Variants in TMTC2 observed in about 807,000 individuals in gnomAD.
TMTC2 encodes the protein protein O-mannosyl-transferase TMTC2.
In TMTC2, 43 loss-of-function variants were observed where a neutral mutation model predicts 82.4. The ratio of observed to expected loss-of-function variants is 0.52; its 90% CI spans 0.41 to 0.67. The LOEUF (loss-of-function observed/expected upper bound fraction) is 0.67, where lower values mean the gene tolerates loss of function less well. Ranked by LOEUF, TMTC2 falls within the 30% of genes least tolerant of loss-of-function variation. TMTC2 has a pLI of 0.00. For synonymous variants in TMTC2, 408 were observed against 381.9 expected (o/e 1.07, Z -0.80); for missense variants, 919 against 1,012.4 (o/e 0.91, Z 1.25).
At chr12:83,122,767 C>T (rs143665674) in intron 11 of TMTC2, among the ~76,000 whole-genome samples, 1 of 152,070 alleles carries the variant, frequency 6.6e-6, no homozygotes, top group Non-Finnish European at 1.5e-5. Context: ...TGTTCTGGAG[C>T]AAAAATTCAG....
intron 10 of TMTC2, among the ~76,000 whole-genome samples, chr12:83,058,063 A>G (rs1882610114): frequency 5.9e-5 from 9 of 151,800 alleles, no homozygotes; most frequent in Admixed American, 5.3e-4. Context: ...TTCTCTTTAC[A>G]TCTTTCTTTA....
At chr12:82,733,044 A>G (rs1301036015) in intron 1 of TMTC2, among the ~76,000 whole-genome samples, 1 of 152,126 alleles carries the variant, frequency 6.6e-6, no homozygotes, top group African/African-American at 2.4e-5. Context: ...TTTGATTTTA[A>G]TTGTTCTCAG....
chr12:82,907,779 T>G (rs1874403750), intron 3 of TMTC2, among the ~76,000 whole-genome samples: 1 of 152,160 alleles, frequency 6.6e-6, no homozygotes. Context: ...TGATTAAGCA[T>G]GAAGGTAAAT....
intron 11 of TMTC2, among the ~76,000 whole-genome samples, chr12:83,116,178 G>T (rs753519485): frequency 1.3e-5 from 2 of 152,014 alleles, no homozygotes; most frequent in Admixed American, 6.6e-5. Flanking sequence ...ATGATGTTTG[G>T]TTTTCCATTC....
At chr12:82,871,572 C>G (rs1872177926) in intron 2 of TMTC2, among the ~76,000 whole-genome samples, 1 of 151,842 alleles carries the variant, frequency 6.6e-6, no homozygotes, top group East Asian at 1.9e-4. Context: ...TAATATAATT[C>G]CTTATGAAAT....
At chr12:82,910,994 C>T (rs949417364) in intron 3 of TMTC2, among the ~76,000 whole-genome samples, 3 of 152,058 alleles carry the variant, frequency 2.0e-5, no homozygotes, top group Admixed American at 6.6e-5. Context: ...CATTCTCCTG[C>T]CTCAGCCTCC....
intron 8 of TMTC2, among the ~76,000 whole-genome samples, chr12:83,007,384 G>A (rs540676666): frequency 1.6e-4 from 24 of 151,892 alleles, no homozygotes; most frequent in African/African-American, 5.3e-4. Context: ...TTCTTCTTAC[G>A]TTTTAATTGA....
intron 4 of TMTC2, among the ~76,000 whole-genome samples, chr12:82,953,328 C>G (rs1004104090): frequency 5.3e-5 from 8 of 152,158 alleles, no homozygotes; most frequent in East Asian, 1.9e-4. Flanking sequence ...GCTCTTGTGT[C>G]TCTCTAAATT....
At chr12:82,838,507 A>G (rs1592563383) in intron 1 of TMTC2, among the ~76,000 whole-genome samples, 2 of 152,354 alleles carry the variant, frequency 1.3e-5, no homozygotes, top group South Asian at 2.1e-4. Context: ...CTAACACTGC[A>G]TCTGTTTCTA....
At chr12:82,976,107 C>G (rs1407246803) in intron 7 of TMTC2, among the ~76,000 whole-genome samples, 1 of 152,094 alleles carries the variant, frequency 6.6e-6, no homozygotes, top group African/African-American at 2.4e-5. Flanking sequence ...CACACAATCT[C>G]ACTCTATACT....
chr12:82,710,275 G>C (rs973746887), intron 1 of TMTC2, among the ~76,000 whole-genome samples: 1 of 152,204 alleles, frequency 6.6e-6, no homozygotes, highest in Non-Finnish European at 1.5e-5. Flanking sequence ...CAGACATCTT[G>C]TTGGCTGTGC....
chr12:82,819,762 C>T (rs1565764479), intron 1 of TMTC2, among the ~76,000 whole-genome samples: 1 of 152,078 alleles, frequency 6.6e-6, no homozygotes, highest in Non-Finnish European at 1.5e-5. Flanking sequence ...CTCGGCTTCC[C>T]AAAGTACTGG....
chr12:82,903,815 A>G (rs908388977), intron 3 of TMTC2, among the ~76,000 whole-genome samples: 1 of 152,258 alleles, frequency 6.6e-6, no homozygotes, highest in Non-Finnish European at 1.5e-5. Context: ...TATTACAGTC[A>G]TAGTCCTTCT....
At chr12:83,003,237 C>A (rs1880007308) in intron 8 of TMTC2, among the ~76,000 whole-genome samples, 1 of 151,890 alleles carries the variant, frequency 6.6e-6, no homozygotes, top group African/African-American at 2.4e-5. Context: ...AGAATAATGA[C>A]CTCATCTCTT....
intron 1 of TMTC2, among the ~76,000 whole-genome samples, chr12:82,775,947 G>A (rs931297761): frequency 6.6e-6 from 1 of 151,804 alleles, no homozygotes; most frequent in Non-Finnish European, 1.5e-5. Context: ...TGAGAGGATC[G>A]TGTTCTTTCC....
At chr12:82,764,790 G>T (rs1465866451) in intron 1 of TMTC2, among the ~76,000 whole-genome samples, 7 of 151,252 alleles carry the variant, frequency 4.6e-5, no homozygotes, top group Non-Finnish European at 1.0e-4. Context: ...ATGTAAGAGG[G>T]GGGTAGGGAA....
chr12:82,926,074 C>T (rs974588406), intron 3 of TMTC2, among the ~76,000 whole-genome samples: 10 of 151,710 alleles, frequency 6.6e-5, no homozygotes, highest in Non-Finnish European at 1.5e-4. Context: ...CACTGCCTCC[C>T]GGGTTCAAGC....
At chr12:83,077,249 A>G (rs1565879677) in intron 11 of TMTC2, among the ~76,000 whole-genome samples, 1 of 152,194 alleles carries the variant, frequency 6.6e-6, no homozygotes, top group Non-Finnish European at 1.5e-5. Context: ...CAGCCATAAG[A>G]CACTCATGGG....
At chr12:82,931,980 A>G (rs773325646) in intron 4 of TMTC2, among the ~76,000 whole-genome samples, 1 of 152,152 alleles carries the variant, frequency 6.6e-6, no homozygotes, top group Non-Finnish European at 1.5e-5. Flanking sequence ...AGTTCTCTAT[A>G]GGAAGATGAC....
Sources: gnomAD v4.1 joint callset for allele counts (sites outside exome capture counted in the v4.1 genomes callset) on GRCh38, gnomAD v4.1.1 for gene constraint, MANE v1.5 for transcripts, NCBI Gene and HGNC (gene_info 2026-07-23, HGNC 2026-07-21) for gene names.